The following NUP43 variants were observed in gnomAD, a reference collection of about 807,000 sequenced individuals.
The protein encoded by NUP43 is nucleoporin Nup43.
NUP43 carries 32 observed loss-of-function variants against 47.3 expected under a neutral mutation model. The observed-to-expected ratio is 0.68, with a 90% CI of 0.51 to 0.91. The LOEUF is 0.91. Among genes scored for constraint, NUP43 ranks in the 40% least tolerant of loss-of-function variants. The pLI is 0.00. For missense variants in NUP43, 444 were observed against 453.9 expected (o/e 0.98, Z 0.20); for synonymous variants, 147 against 158.4 (o/e 0.93, Z 0.54).
At chr6:149,744,102 C>T (rs528899006) in intron 2 of NUP43, among the ~76,000 whole-genome samples, 3 of 152,050 alleles carry the variant, frequency 2.0e-5, no homozygotes, top group South Asian at 4.2e-4. Context: ...GGCGAGGCCT[C>T]GTCTCTACAA....
chr6:149,743,864 A>T, intron 2 of NUP43, 149 bp from the exon 3 acceptor site: 1 of 562,672 alleles, frequency 1.8e-6, no homozygotes, highest in Non-Finnish European at 3.1e-6. Context: ...TGTGTTAATG[A>T]AGCTGAAAGG....
chr6:149,737,983 G>A lies in NUP43; in HGVS notation c.638+660C>T, dbSNP rs1383508095. Among the ~76,000 whole-genome samples, 6 of 152,028 alleles carry A rather than the reference G, an allele frequency of 3.9e-5. No homozygotes were observed. The East Asian group carries it at 5.8e-4, about 15-fold the overall frequency. On this transcript the variant is annotated intron_variant, in intron 5 of 7. Coordinates refer to ENST00000340413, the MANE Select transcript of NUP43 (RefSeq NM_198887.3). ...TGGGATTACAAGCATGAGCAACCAC[G>A]CCCAGCCTGGCTGAATCTTAATGAT... is the stretch of plus-strand genomic sequence containing the variant.
At chr6:149,735,553 C>A (rs1187436859) in intron 6 of NUP43, among the ~76,000 whole-genome samples, 1 of 138,646 alleles carries the variant, frequency 7.2e-6, no homozygotes, top group Non-Finnish European at 1.5e-5. Context: ...TATGATCACA[C>A]CACTACTGCA....
intron 4 of NUP43, 97 bp downstream of exon 4, chr6:149,742,293 T>G: frequency 1.8e-6 from 2 of 1,133,318 alleles, no homozygotes; most frequent in Non-Finnish European, 2.6e-6. Context: ...CCCAAAGTGC[T>G]GCAATTGCCG....
In NUP43 at chr6:149,743,658, G is replaced by A; in HGVS notation, c.301C>T (p.Leu101Phe). 2 of 1,607,006 alleles carry A rather than the reference G, an allele frequency of 1.2e-6. No individual in the cohort carries two copies. The highest frequency in any genetic ancestry group is 1.7e-6 in the Non-Finnish European group (2 of 1,175,524). ...TTTACCTGGTTATTTGGATGGTGAA[G>A]GAAAACTGTTACACATCCTGTTGAT... ...ASSTGCVTVFLHHPNNQTLSV... is the reference protein window; with the variant it reads ...ASSTGCVTVFFHHPNNQTLSV... Residue 101 changes from leucine to phenylalanine, a missense_variant, in exon 3 of 8, where the codon CTT becomes TTT. Transcript: ENST00000340413.
chr6:149,737,949 C>T (rs141979028), intron 5 of NUP43, among the ~76,000 whole-genome samples: 1,900 of 152,162 alleles, frequency 0.012, 42 homozygotes, highest in African/African-American at 0.044. Context: ...CCTCGGCCTC[C>T]CAAAGTGCTG....
chr6:149,747,015 G>A (rs1250306977), upstream of NUP43, among the ~76,000 whole-genome samples: 1 of 152,196 alleles, frequency 6.6e-6, no homozygotes, highest in Non-Finnish European at 1.5e-5. Context: ...GCCTGGAGTT[G>A]GAATTCTGAA....
chr6:149,745,870 G>A (rs1785963708), intron 2 of NUP43, 70 bp downstream of exon 2: 1 of 1,395,464 alleles, frequency 7.2e-7, no homozygotes, highest in African/African-American at 1.4e-5. Flanking sequence ...CAACTTTTAT[G>A]ATGCTCTGCT....
chr6:149,727,172 G>C lies in NUP43; in HGVS notation c.940C>G (p.His314Asp). ...QGGRSSTFLS[H>D]SISNQANVHQ... ...ACATTAGCTTGGTTACTAATGCTATGAGACAAAAAAGTACTGCTTCTTCCT... is the reference window on the plus strand; with the variant it reads ...ACATTAGCTTGGTTACTAATGCTATCAGACAAAAAAGTACTGCTTCTTCCT... Residue 314 changes from histidine to aspartate, a missense_variant, in exon 8 of 8, where the codon CAT (histidine) becomes GAT (aspartate). Transcript: ENST00000340413. 1 of 1,613,460 alleles carries C rather than the reference G, an allele frequency of 6.2e-7. No homozygotes were observed. Among genetic ancestry groups the C allele is most frequent in the East Asian group, 2.2e-5 (1 of 44,864 alleles).
chr6:149,742,506 T>C lies in NUP43; in HGVS notation c.386A>G (p.Tyr129Cys), dbSNP rs769355579. 2 of 1,614,106 alleles carry C rather than the reference T, an allele frequency of 1.2e-6. No individual in the cohort carries two copies. The highest frequency in any genetic ancestry group is 1.1e-5 in the South Asian group (1 of 91,070). ...AACACCTGTACATGGTGCACTGCTA[T>C]AGGAAGGACTGCCAGGGCCTGTGTG... ...HYHTGPGSPS[Y>C]SSAPCTGVVC... Residue 129 changes from tyrosine to cysteine, a missense_variant, in exon 4 of 8, where the codon TAT becomes TGT. Physicochemically the swap from Tyr to Cys is radical, Grantham distance 194 (BLOSUM62 -2). Transcript: ENST00000340413.
intron 7 of NUP43, chr6:149,729,639 TTTTGTTTTCCCAGCCC>T: frequency 1.1e-5 from 6 of 542,804 alleles, no homozygotes; most frequent in Non-Finnish European, 1.4e-5. Flanking sequence ...TCCTATTACC[TTTTGTTTTCCCAGCCC>T]TTCTAACACA....
chr6:149,743,195 TA>T (rs1476592015), intron 3 of NUP43, among the ~76,000 whole-genome samples: 20 of 145,990 alleles, frequency 1.4e-4, no homozygotes, highest in African/African-American at 2.7e-4. Flanking sequence ...AATAAATAAA[TA>T]AAATAAAATA....
intron 5 of NUP43, among the ~76,000 whole-genome samples, chr6:149,738,214 A>T (rs1041432195): frequency 6.6e-6 from 1 of 152,170 alleles, no homozygotes; most frequent in African/African-American, 2.4e-5. Flanking sequence ...TTATCATCTT[A>T]TTTAATGCTT....
chr6:149,730,094 C>T (rs935543874), intron 7 of NUP43, among the ~76,000 whole-genome samples: 1 of 151,726 alleles, frequency 6.6e-6, no homozygotes, highest in African/African-American at 2.4e-5. Context: ...GCTGAAACCT[C>T]TGTCTCCTGG....
intron 5 of NUP43, among the ~76,000 whole-genome samples, chr6:149,737,268 A>G (rs1264028993): frequency 6.6e-6 from 1 of 150,936 alleles, no homozygotes; most frequent in African/African-American, 2.4e-5. Context: ...TGGGTGACAG[A>G]GTAAGACTCT....
rs201168855 is a variant in NUP43, at chr6:149,746,503, G to C, written c.-8C>G. The stretch of plus-strand genomic sequence containing the variant: ...CGCATAAATTTCCTCCATGCCGAAA[G>C]CGGCCGCAGCAGGTACTGCAAAAAG... On this transcript the variant is annotated 5_prime_UTR_variant, in exon 1 of 8. Coordinates refer to ENST00000340413, the MANE Select transcript of NUP43 (RefSeq NM_198887.3). 1.9e-6 allele frequency: 3 copies of C among 1,614,200 alleles called. No individual in the cohort carries two copies. In the African/African-American group the frequency reaches 4.0e-5, roughly 22 times the overall value.
Position 149,731,706 on chromosome 6 carries a change from G to A in NUP43, c.820C>T (p.Pro274Ser). ...TCAGAGCAGGTAAAAAGATGTTCTG[G>A]GTTGGATGGGTGAAAGTGAACTTCC... ...MWEVHFHPSNPEHLFTCSEDG... is the reference protein window; with the variant it reads ...MWEVHFHPSNSEHLFTCSEDG... The change falls in exon 7 of 8, where the codon CCA (proline) becomes TCA (serine). Residue 274 changes from proline to serine, a missense_variant. Coordinates refer to ENST00000340413, the MANE Select transcript of NUP43 (RefSeq NM_198887.3). 1.9e-6 allele frequency: 3 copies of A among 1,613,698 alleles called. No homozygotes were observed. Among genetic ancestry groups the A allele is most frequent in the Non-Finnish European group, 2.5e-6 (3 of 1,179,660 alleles).
Position 149,743,685 on chromosome 6 carries a change from A to C in NUP43, c.274T>G (p.Ser92Ala). 1 of 1,611,508 alleles carries C rather than the reference A, an allele frequency of 6.2e-7. No homozygotes were observed. Among genetic ancestry groups the C allele is most frequent in the South Asian group, 1.1e-5 (1 of 90,634 alleles). Residue 92 changes from serine to alanine, a missense_variant, in exon 3 of 8, where the codon TCA becomes GCA. Coordinates refer to ENST00000340413, the MANE Select transcript of NUP43 (RefSeq NM_198887.3). ...AAAACTGTTACACATCCTGTTGATG[A>C]AGCAGCGACAATTCTTTCCTGGTCA... ...FFDQERIVAASSTGCVTVFLH... is the reference protein window; with the variant it reads ...FFDQERIVAAASTGCVTVFLH...
intron 6 of NUP43, among the ~76,000 whole-genome samples, chr6:149,733,736 G>A (rs947653158): frequency 3.3e-5 from 5 of 151,956 alleles, no homozygotes; most frequent in Non-Finnish European, 7.4e-5. Flanking sequence ...ATGAACTACC[G>A]TGCCCAGCCC....
Sources: allele counts gnomAD v4.1 joint callset (sites outside exome capture counted in the v4.1 genomes callset), GRCh38; gene constraint gnomAD v4.1.1; transcripts MANE v1.5; gene names NCBI Gene and HGNC (gene_info 2026-07-23, HGNC 2026-07-21).